The following TASP1 variants were observed in gnomAD, a reference collection of about 807,000 sequenced individuals.
TASP1 encodes the protein threonine aspartase 1.
TASP1 carries 16 observed loss-of-function variants against 56.6 expected under a neutral mutation model. The observed-to-expected ratio is 0.28, with a 90% CI of 0.19 to 0.43. The LOEUF is 0.43. Ranked by LOEUF, TASP1 falls within the 20% of genes least tolerant of loss-of-function variation. The probability of loss-of-function intolerance (pLI) is 1.00; values close to 1 mark genes in which losing one functional copy is unlikely to be tolerated. For missense variants in TASP1, 393 were observed against 511.6 expected, an observed-to-expected ratio of 0.77 and a Z score of 2.24; for synonymous variants, 179 against 184.2, an observed-to-expected ratio of 0.97 and a Z score of 0.23.
the TASP1 span, among the ~76,000 whole-genome samples, chr20:13,326,510 T>A: frequency 1.4e-5 from 2 of 147,902 alleles, no homozygotes; most frequent in African/African-American, 5.1e-5. Flanking sequence ...TTGCTACACA[T>A]CCTCACCAAC....
At chr20:13,148,527 C>A in the TASP1 span, among the ~76,000 whole-genome samples, 5 of 152,312 alleles carry the variant, frequency 3.3e-5, no homozygotes, top group East Asian at 1.9e-4. Context: ...GGAACCTGAG[C>A]ACTCAGGAAC....
At chr20:13,441,717 A>G (rs1057340889) in intron 11 of TASP1, among the ~76,000 whole-genome samples, 1 of 152,234 alleles carries the variant, frequency 6.6e-6, no homozygotes, top group Admixed American at 6.5e-5. Flanking sequence ...AAAAGCAACA[A>G]GCCACTAAAG....
chr20:13,385,961 A>T (rs1401337539), downstream of TASP1, among the ~76,000 whole-genome samples: 2 of 152,194 alleles, frequency 1.3e-5, no homozygotes, highest in Non-Finnish European at 2.9e-5. Context: ...TGTGGGGGAT[A>T]CTAAAACAGT....
intron 5 of TASP1, among the ~76,000 whole-genome samples, chr20:13,582,477 T>C (rs1029471553): frequency 6.6e-6 from 1 of 151,972 alleles, no homozygotes; most frequent in Non-Finnish European, 1.5e-5. Flanking sequence ...ATTTCCAGGA[T>C]ACATAAGAAG....
the TASP1 span, chr20:13,299,207 G>A: frequency 1.9e-6 from 3 of 1,602,248 alleles, no homozygotes; most frequent in Admixed American, 3.5e-5. This position sits in a 1 kb window ranked among gnomAD's most constrained non-coding sequence, Gnocchi z 5.8. Context: ...CCACGCTGGC[G>A]GCACAGCACT....
At chr20:13,508,449 G>C (rs568396616) in intron 10 of TASP1, among the ~76,000 whole-genome samples, 15 of 152,156 alleles carry the variant, frequency 9.9e-5, no homozygotes, top group Admixed American at 2.0e-4. Flanking sequence ...GCTCATTGGG[G>C]CATTTCAGAT....
chr20:13,439,134 G>C (rs561256774), intron 11 of TASP1, among the ~76,000 whole-genome samples: 1 of 152,180 alleles, frequency 6.6e-6, no homozygotes, highest in Non-Finnish European at 1.5e-5. Flanking sequence ...AACACCATTT[G>C]ACCCAGCCAG....
At position 13,608,587 on chromosome 20, in the gene TASP1, T is replaced by C. The variant is rs183517810; in HGVS notation, c.282+14859A>G. On this transcript the variant is annotated intron_variant, in intron 4 of 13. Coordinates refer to ENST00000337743, the MANE Select transcript of TASP1 (RefSeq NM_017714.3). ...ATGAATAAGCATGGCTGTGTTCCAA[T>C]AAAACTTCATTTATGGATACTGAGA... Among the ~76,000 whole-genome samples the C allele has an allele frequency of 4.0e-3, 610 of 152,362 alleles. 4 individuals are homozygous for C. The highest frequency in any genetic ancestry group is 0.014 in the African/African-American group (575 of 41,582).
chr20:13,177,676 C>T, the TASP1 span, among the ~76,000 whole-genome samples: 1 of 152,104 alleles, frequency 6.6e-6, no homozygotes, highest in Admixed American at 6.5e-5. Flanking sequence ...ACTGTCTCTT[C>T]AATAAATGGT....
the TASP1 span, among the ~76,000 whole-genome samples, chr20:13,306,462 C>T: frequency 2.0e-5 from 3 of 146,766 alleles, no homozygotes; most frequent in Non-Finnish European, 4.4e-5. Context: ...TAGTTATACC[C>T]TTCTTTATTT....
At chr20:13,269,081 G>A in the TASP1 span, among the ~76,000 whole-genome samples, 2 of 152,174 alleles carry the variant, frequency 1.3e-5, no homozygotes, top group South Asian at 4.1e-4. Context: ...CTGGGTCAGA[G>A]GCACTGTGGT....
At chr20:13,391,796 T>A (rs141438360) in intron 13 of TASP1, among the ~76,000 whole-genome samples, 103,021 of 150,176 alleles carry the variant, frequency 0.69, 35,663 homozygotes, top group African/African-American at 0.76. Context: ...TGAAACCCTG[T>A]CTCTACTAAA....
At chr20:13,123,274 T>C in the TASP1 span, among the ~76,000 whole-genome samples, 1 of 151,218 alleles carries the variant, frequency 6.6e-6, no homozygotes, top group African/African-American at 2.4e-5. Flanking sequence ...AAGGTTGCAG[T>C]GAGCCAAGGT....
the TASP1 span, among the ~76,000 whole-genome samples, chr20:13,323,163 T>C: frequency 6.6e-6 from 1 of 151,896 alleles, no homozygotes; most frequent in African/African-American, 2.4e-5. Flanking sequence ...AGAGCTACAG[T>C]CCCCAAATAT....
At chr20:13,205,992 T>C in the TASP1 span, among the ~76,000 whole-genome samples, 10 of 152,188 alleles carry the variant, frequency 6.6e-5, no homozygotes, top group Non-Finnish European at 4.4e-5. Context: ...AGGACCTCCA[T>C]CACCGGGTGC....
At chr20:13,311,224 AGATAGATAGATAGATAGAT>A in the TASP1 span, among the ~76,000 whole-genome samples, 20 of 112,328 alleles carry the variant, frequency 1.8e-4, no homozygotes, top group South Asian at 1.1e-3. Flanking sequence ...GATGATAGAT[AGATAGATAGATAGATAGAT>A]GATAGATAGA....
At chr20:13,620,056 A>C (rs1178115155) in intron 4 of TASP1, among the ~76,000 whole-genome samples, 1 of 152,110 alleles carries the variant, frequency 6.6e-6, no homozygotes, top group Non-Finnish European at 1.5e-5. Flanking sequence ...ATAGATAGGA[A>C]CTTTTGCACC....
At chr20:13,291,094 T>C in the TASP1 span, among the ~76,000 whole-genome samples, 1 of 152,198 alleles carries the variant, frequency 6.6e-6, no homozygotes, top group East Asian at 1.9e-4. Context: ...CTCAAGGTGG[T>C]AGATTTAAGT....
At chr20:13,476,102 G>C (rs2042941252) in intron 11 of TASP1, among the ~76,000 whole-genome samples, 1 of 152,078 alleles carries the variant, frequency 6.6e-6, no homozygotes. Context: ...CTGGGCAACA[G>C]GAGTGAAACT....
Sources: gnomAD v4.1 joint callset for allele counts (sites outside exome capture counted in the v4.1 genomes callset) on GRCh38, gnomAD v4.1.1 for gene constraint, Gnocchi (gnomAD v3.1) non-coding constraint, MANE v1.5 for transcripts, NCBI Gene and HGNC (gene_info 2026-07-23, HGNC 2026-07-21) for gene names.